The following PAWR variants were observed in gnomAD, a reference collection of about 807,000 sequenced individuals.
PAWR encodes PRKC apoptosis WT1 regulator protein.
PAWR carries 23 observed loss-of-function variants against 32.0 expected under a neutral mutation model. The ratio of observed to expected loss-of-function variants is 0.72; its 90% confidence interval spans 0.52 to 1.02. The LOEUF (loss-of-function observed/expected upper bound fraction) is 1.02. Among genes scored for constraint, PAWR ranks in the 50% least tolerant of loss-of-function variants. The pLI is 0.00. For missense variants in PAWR, 457 were observed against 437.7 expected (o/e 1.04, Z -0.39); for synonymous variants, 226 against 187.1 (o/e 1.21, Z -1.70).
chr12:79,635,232 G>C (rs1282777282), intron 2 of PAWR, among the ~76,000 whole-genome samples: 2 of 152,042 alleles, frequency 1.3e-5, no homozygotes, highest in East Asian at 1.9e-4. Flanking sequence ...CTTGGGACCT[G>C]GTAGTAGGGT....
intron 2 of PAWR, among the ~76,000 whole-genome samples, chr12:79,688,193 C>CT (rs1264344775): frequency 6.6e-6 from 1 of 151,300 alleles, no homozygotes; most frequent in Non-Finnish European, 1.5e-5. Context: ...AAGATACACT[C>CT]TACTTACTTC....
intron 2 of PAWR, among the ~76,000 whole-genome samples, chr12:79,675,844 CA>C (rs905587691): frequency 6.6e-6 from 1 of 151,836 alleles, no homozygotes; most frequent in African/African-American, 2.4e-5. Flanking sequence ...ACCCATGCAG[CA>C]AATCTGCAAA....
At chr12:79,690,655 G>C (rs1222533249) in intron 1 of PAWR, 1 of 148,528 alleles carries the variant, frequency 6.7e-6, no homozygotes, top group African/African-American at 2.5e-5. Context: ...ACCAAGGTCC[G>C]CGCCGGCGGC....
chr12:79,656,319 C>G (rs776047942), intron 2 of PAWR, among the ~76,000 whole-genome samples: 30 of 152,148 alleles, frequency 2.0e-4, no homozygotes, highest in Non-Finnish European at 3.8e-4. Flanking sequence ...TATAGTGATT[C>G]AACTGGTTGA....
chr12:79,663,914 G>C (rs1364486423), intron 2 of PAWR, among the ~76,000 whole-genome samples: 1 of 152,170 alleles, frequency 6.6e-6, no homozygotes, highest in African/African-American at 2.4e-5. Flanking sequence ...ATCAGGCTAT[G>C]TGCTTATAAT....
In PAWR at chr12:79,670,817, C is replaced by T. The variant is rs559096455; in HGVS notation, c.516+18912G>A. 1.0e-4 allele frequency among the ~76,000 whole-genome samples: 15 copies of T among 150,682 alleles called. No homozygotes were observed. The South Asian group carries it at 3.1e-3, about 32-fold the overall frequency. On this transcript the variant is annotated intron_variant, in intron 2 of 6. Transcript: ENST00000328827. ...TTTAAAGCAAAACCTTAGAAGAAAA[C>T]ACAATTTATAAATGAAATAATTTCC... is the stretch of plus-strand genomic sequence containing the variant.
chr12:79,647,683 A>G (rs1000589325), intron 2 of PAWR, among the ~76,000 whole-genome samples: 5 of 152,246 alleles, frequency 3.3e-5, no homozygotes, highest in African/African-American at 1.2e-4. Context: ...TGCCTTTTAC[A>G]GATTAAAAAT....
intron 2 of PAWR, chr12:79,668,435 G>C (rs181376906): frequency 2.6e-5 from 4 of 152,230 alleles, no homozygotes; most frequent in Admixed American, 2.0e-4. Context: ...AAAAACAACT[G>C]GTTAAGTAAG....
intron 2 of PAWR, among the ~76,000 whole-genome samples, chr12:79,683,703 G>A (rs1297994226): frequency 6.6e-6 from 1 of 151,790 alleles, no homozygotes; most frequent in East Asian, 1.9e-4. Flanking sequence ...TTTTATTAAG[G>A]TGAAAGTATT....
rs372820006 is a variant in PAWR at position 79,594,422 on chromosome 12, T to C, written c.843A>G (p.Arg281=). ...KIEDLEKEVV[R]ERQENLRLVR... ...CAAGTCTTAGGTTTTCTTGTCTTTC[T>C]CTTACTACTTCCTGGTAGATACAAT... The change falls in exon 6 of 7, where the codon AGA becomes AGG. Residue 281 remains arginine (R), a synonymous_variant. Transcript: ENST00000328827. 2.0e-5 allele frequency: 29 copies of C among 1,471,070 alleles called. No individual in the cohort carries two copies. In the African/African-American group the frequency reaches 3.5e-4, roughly 18 times the overall value. The allele number at this position is 1,471,070 out of a possible 1,614,324, so 91.1% of individuals were successfully genotyped here. A position where few individuals can be genotyped will look rare whatever the true frequency, so the allele number is the denominator to read the frequency against.
intron 2 of PAWR, among the ~76,000 whole-genome samples, chr12:79,685,703 C>T (rs1878650547): frequency 6.6e-6 from 1 of 152,300 alleles, no homozygotes; most frequent in Admixed American, 6.5e-5. Context: ...GAGGCAATCT[C>T]TGAGTCCACA....
chr12:79,590,573 A>G lies in PAWR; in HGVS notation c.*2034T>C, dbSNP rs1024584755. 5 of 152,254 alleles carry G rather than the reference A, an allele frequency of 3.3e-5. No homozygotes were observed. The highest frequency in any genetic ancestry group is 1.2e-4 in the African/African-American group (5 of 41,464). 9.4% of individuals were successfully genotyped at this position (152,254 alleles called of 1,614,324 possible). A position where few individuals can be genotyped will look rare whatever the true frequency, so the allele number is the denominator to read the frequency against. ...TACATATGAATTAAATAGAAAATTC[A>G]AAGTAATTCTTTTAATAAAAACCCA... On this transcript the variant is annotated 3_prime_UTR_variant, in exon 7 of 7. Transcript: ENST00000328827.
chr12:79,606,999 G>T (rs1455526326), intron 4 of PAWR, among the ~76,000 whole-genome samples: 3 of 152,044 alleles, frequency 2.0e-5, no homozygotes, highest in Non-Finnish European at 4.4e-5. Context: ...AAATGTACAA[G>T]AATCCCAATT....
At chr12:79,677,285 A>G (rs1407212282) in intron 2 of PAWR, among the ~76,000 whole-genome samples, 1 of 152,230 alleles carries the variant, frequency 6.6e-6, no homozygotes, top group East Asian at 1.9e-4. Flanking sequence ...CTGTAGAATG[A>G]TTAAATTTCT....
At chr12:79,671,982 T>A (rs1877925961) in intron 2 of PAWR, among the ~76,000 whole-genome samples, 1 of 152,222 alleles carries the variant, frequency 6.6e-6, no homozygotes, top group South Asian at 2.1e-4. Flanking sequence ...TATTGTTAGT[T>A]AATGGCATCA....
chr12:79,593,587 G>T (rs181417299), intron 6 of PAWR, among the ~76,000 whole-genome samples: 3 of 151,522 alleles, frequency 2.0e-5, no homozygotes, highest in East Asian at 4.0e-4. Context: ...TTGAACCCGG[G>T]GGGTGGAGGT....
rs565040195 is a variant in PAWR, at chr12:79,591,942, TAA to T, written c.*663_*664del. 3.3e-5 allele frequency: 5 copies of T among 152,562 alleles called. No individual in the cohort carries two copies. Among genetic ancestry groups the T allele is most frequent in the Non-Finnish European group, 7.4e-5 (5 of 67,976 alleles). 9.5% of individuals were successfully genotyped at this position (152,562 alleles called of 1,614,324 possible). ...TTACAATTGTATGTTTTTCAGGAGTTAAAGTGATTCAATTTTTCAATATTCAA... is the reference window on the plus strand; with the variant it reads ...TTACAATTGTATGTTTTTCAGGAGTTAGTGATTCAATTTTTCAATATTCAA... On this transcript the variant is annotated 3_prime_UTR_variant, in exon 7 of 7. Coordinates refer to ENST00000328827, the MANE Select transcript of PAWR (RefSeq NM_002583.4).
At chr12:79,602,251 A>G (rs1303057704) in intron 4 of PAWR, among the ~76,000 whole-genome samples, 1 of 152,232 alleles carries the variant, frequency 6.6e-6, no homozygotes, top group Admixed American at 6.5e-5. Flanking sequence ...TTTTTCAAAT[A>G]AAAAGGTAAA....
intron 2 of PAWR, among the ~76,000 whole-genome samples, chr12:79,662,356 G>A (rs1284386407): frequency 6.6e-6 from 1 of 152,140 alleles, no homozygotes; most frequent in African/African-American, 2.4e-5. Context: ...CCTGGGAATA[G>A]GCTTTGATGT....
Sources: gnomAD v4.1 joint callset for allele counts (sites outside exome capture counted in the v4.1 genomes callset) on GRCh38, gnomAD v4.1.1 for gene constraint, MANE v1.5 for transcripts, NCBI Gene and HGNC (gene_info 2026-07-23, HGNC 2026-07-21) for gene names.